Variants in PDE10A observed in about 807,000 individuals in gnomAD.
PDE10A encodes phosphodiesterase 10A.
PDE10A carries 39 observed loss-of-function variants against 97.7 expected under a neutral mutation model. The observed-to-expected ratio is 0.40, with a 90% CI of 0.31 to 0.52. PDE10A has a LOEUF of 0.52. Among genes scored for constraint, PDE10A ranks in the 20% least tolerant of loss-of-function variants. PDE10A has a pLI of 0.56. For missense variants in PDE10A, 731 were observed against 1,047.8 expected, an observed-to-expected ratio of 0.70 and a Z score of 4.17; for synonymous variants, 371 against 376.8, an observed-to-expected ratio of 0.98 and a Z score of 0.18.
At chr6:165,510,038 T>C (rs559208742) in intron 2 of PDE10A, among the ~76,000 whole-genome samples, 2 of 152,144 alleles carry the variant, frequency 1.3e-5, no homozygotes, top group Admixed American at 1.3e-4. Context: ...AACCTGACTT[T>C]CTCTTTTCCA....
chr6:165,400,889 TA>T (rs1468719560), intron 13 of PDE10A, among the ~76,000 whole-genome samples: 8 of 152,208 alleles, frequency 5.3e-5, no homozygotes, highest in Non-Finnish European at 8.8e-5. Flanking sequence ...AAAGAGGAAT[TA>T]ACTGTTTACG....
At chr6:165,889,170 C>A (rs531963555) in intron 1 of PDE10A, among the ~76,000 whole-genome samples, 1 of 152,066 alleles carries the variant, frequency 6.6e-6, no homozygotes, top group Non-Finnish European at 1.5e-5. Context: ...TTGCTGCTAC[C>A]CCTAGAACCA....
rs201156192 is a variant in PDE10A at position 165,433,048 on chromosome 6, T to C, written c.1417A>G (p.Ile473Val). 5.8e-5 allele frequency: 93 copies of C among 1,613,598 alleles called. 1 individual carries two copies. The Middle Eastern group carries it at 8.3e-4, about 14-fold the overall frequency. Reference sequence around the variant, plus strand: ...TCGAGAATACCAATCAAGTCACCAATTGCAGTGACAATTGGTAAGCAAAGA... The same window carrying C: ...TCGAGAATACCAATCAAGTCACCAACTGCAGTGACAATTGGTAAGCAAAGA... ...SVLCLPIVTA[I>V]GDLIGILELY... The change falls in exon 7 of 22, where the codon ATT (isoleucine) becomes GTT (valine). Residue 473 changes from isoleucine to valine, a missense_variant. Around this residue, in one of 8 missense-constraint regions of PDE10A, gnomAD observed 152 missense variants for 199.3 expected, o/e 0.76. Coordinates refer to ENST00000539869, the MANE Select transcript of PDE10A (RefSeq NM_001385079.1).
chr6:165,951,505 C>A (rs772769463), intron 1 of PDE10A, among the ~76,000 whole-genome samples: 6 of 152,088 alleles, frequency 3.9e-5, no homozygotes, highest in Non-Finnish European at 7.4e-5. Context: ...CCGTCAATTG[C>A]CCCTCCCACT....
intron 1 of PDE10A, among the ~76,000 whole-genome samples, chr6:165,657,751 G>A (rs568033213): frequency 6.6e-6 from 1 of 152,224 alleles, no homozygotes; most frequent in Non-Finnish European, 1.5e-5. Context: ...TTTCTTGAAA[G>A]TTAAGTATTA....
chr6:165,857,656 T>C (rs561538131), intron 1 of PDE10A, among the ~76,000 whole-genome samples: 18 of 152,104 alleles, frequency 1.2e-4, no homozygotes, highest in African/African-American at 4.1e-4. Flanking sequence ...TGTCCTCCTT[T>C]GGAGCCCTGT....
intron 1 of PDE10A, among the ~76,000 whole-genome samples, chr6:165,833,751 C>G (rs890729089): frequency 2.6e-5 from 4 of 152,196 alleles, no homozygotes; most frequent in South Asian, 2.1e-4. Context: ...GCAGGAAAGA[C>G]CAGCCCTGGG....
intron 1 of PDE10A, among the ~76,000 whole-genome samples, chr6:165,931,525 G>A (rs945171216): frequency 3.3e-5 from 5 of 152,212 alleles, no homozygotes; most frequent in Non-Finnish European, 7.4e-5. Context: ...CCATAAAATT[G>A]TATTGAGTGC....
intron 7 of PDE10A, 53 bp from the exon 8 acceptor site, chr6:165,431,525 T>C (rs1297653545): frequency 3.3e-6 from 2 of 613,110 alleles, no homozygotes; most frequent in Non-Finnish European, 5.4e-6. Context: ...AACGTATATA[T>C]ATATACTATA....
At chr6:165,414,718 G>A (rs1788180465) in intron 12 of PDE10A, among the ~76,000 whole-genome samples, 1 of 152,314 alleles carries the variant, frequency 6.6e-6, no homozygotes, top group South Asian at 2.1e-4. Context: ...GGACTGCACA[G>A]TAAGTGTATG....
At chr6:165,824,094 G>A (rs1779656984) in intron 1 of PDE10A, among the ~76,000 whole-genome samples, 1 of 152,142 alleles carries the variant, frequency 6.6e-6, no homozygotes, top group South Asian at 2.1e-4. Context: ...TTAATGTCCT[G>A]GTGACTCAGT....
Position 165,464,558 on chromosome 6 carries a change from T to C in PDE10A, c.1024-14196A>G, listed in dbSNP as rs1004475463. 5.9e-5 allele frequency among the ~76,000 whole-genome samples: 9 copies of C among 152,206 alleles called. No homozygotes were observed. The East Asian group carries it at 1.3e-3, about 23-fold the overall frequency. ...GGTAAAATTTACAGACACTGAAATA[T>C]ACAAATCTTAATGGTACTAGTGCAT... On this transcript the variant is annotated intron_variant, in intron 3 of 21. Transcript: ENST00000539869.
intron 2 of PDE10A, among the ~76,000 whole-genome samples, chr6:165,541,605 C>A (rs1163840370): frequency 6.6e-6 from 1 of 152,168 alleles, no homozygotes; most frequent in African/African-American, 2.4e-5. Context: ...CATTATATAG[C>A]AAGCTGAAAT....
At chr6:165,568,150 C>T (rs1426643721) in intron 1 of PDE10A, among the ~76,000 whole-genome samples, 3 of 152,190 alleles carry the variant, frequency 2.0e-5, no homozygotes, top group East Asian at 3.9e-4. Flanking sequence ...AAGCGCCCGC[C>T]ACCACGCCTG....
rs527343438 is a variant in PDE10A at position 165,655,856 on chromosome 6, C to T, written c.865+6091G>A. ...CTGCCTGGTGGGCTCAGCTCCAGCACGGCCGTCACCCCGCTCCTCTGCCTT... is the reference window on the plus strand; with the variant it reads ...CTGCCTGGTGGGCTCAGCTCCAGCATGGCCGTCACCCCGCTCCTCTGCCTT... On this transcript the variant is annotated intron_variant, in intron 1 of 21. Transcript: ENST00000539869. This position sits in a 1 kb window ranked among gnomAD's most constrained non-coding sequence, Gnocchi z 4.5. Among the ~76,000 whole-genome samples the T allele has an allele frequency of 1.3e-5, 2 of 152,200 alleles. No individual in the cohort carries two copies. Among genetic ancestry groups the T allele is most frequent in the Non-Finnish European group, 2.9e-5 (2 of 68,008 alleles).
intron 2 of PDE10A, among the ~76,000 whole-genome samples, chr6:165,503,143 G>A (rs1780991191): frequency 1.3e-5 from 2 of 152,046 alleles, no homozygotes; most frequent in African/African-American, 2.4e-5. Flanking sequence ...CTTGTCTAGG[G>A]TGTACTCCTG....
chr6:165,596,048 T>G (rs1381744625), intron 1 of PDE10A, among the ~76,000 whole-genome samples: 1 of 152,212 alleles, frequency 6.6e-6, no homozygotes, highest in Non-Finnish European at 1.5e-5. Context: ...TATCATTCCA[T>G]GGATTACTCA....
chr6:165,617,192 G>A (rs147265878), intron 1 of PDE10A, among the ~76,000 whole-genome samples: 17 of 152,250 alleles, frequency 1.1e-4, no homozygotes, highest in South Asian at 6.2e-4. Context: ...CATTCTTAGC[G>A]AAGGAAGAGT....
intron 1 of PDE10A, chr6:165,946,893 C>T (rs145940431): frequency 4.5e-4 from 68 of 152,212 alleles, no homozygotes; most frequent in African/African-American, 1.3e-3. Context: ...TGACTTTTTA[C>T]GTATAATTTT....
Sources: allele counts gnomAD v4.1 joint callset (sites outside exome capture counted in the v4.1 genomes callset), GRCh38; gene constraint gnomAD v4.1.1; regional missense constraint gnomAD v4.1.1; non-coding constraint Gnocchi (gnomAD v3.1); transcripts MANE v1.5; gene names NCBI Gene and HGNC (gene_info 2026-07-23, HGNC 2026-07-21).